The following GPHN variants were observed in gnomAD, a reference collection of about 807,000 sequenced individuals.
The protein encoded by GPHN is gephyrin.
In GPHN, 17 loss-of-function variants were observed where a neutral mutation model predicts 95.5. The observed-to-expected ratio is 0.18, with a 90% confidence interval of 0.12 to 0.27. The LOEUF (loss-of-function observed/expected upper bound fraction) is 0.27. Among genes scored for constraint, GPHN ranks in the 10% least tolerant of loss-of-function variants. GPHN has a pLI of 1.00. For synonymous variants in GPHN, 320 were observed against 322.5 expected (o/e 0.99, Z 0.08); for missense variants, 660 against 978.1 (o/e 0.67, Z 4.34).
chr14:67,161,105 C>T (rs1318901901), intron 19 of GPHN, among the ~76,000 whole-genome samples: 4 of 152,118 alleles, frequency 2.6e-5, no homozygotes, highest in African/African-American at 7.2e-5. Flanking sequence ...CTATCCTGAG[C>T]AACATCGAGA....
the GPHN span, chr14:67,727,130 T>C: frequency 6.2e-7 from 1 of 1,614,210 alleles, no homozygotes; most frequent in Non-Finnish European, 8.5e-7. Context: ...GGGTTTTGCC[T>C]ATTGCCACAG....
At chr14:67,101,191 G>GAA (rs113722780) in intron 13 of GPHN, among the ~76,000 whole-genome samples, 6 of 147,644 alleles carry the variant, frequency 4.1e-5, no homozygotes, top group African/African-American at 1.2e-4. Flanking sequence ...TTTTTTTCCT[G>GAA]AAAAAAAAAA....
At chr14:66,726,103 A>G (rs780041414) in intron 2 of GPHN, among the ~76,000 whole-genome samples, 14 of 152,224 alleles carry the variant, frequency 9.2e-5, no homozygotes, top group Non-Finnish European at 1.6e-4. Flanking sequence ...TTAAAATTAG[A>G]ATGCATAAAT....
the GPHN span, among the ~76,000 whole-genome samples, chr14:67,491,122 C>T: frequency 2.6e-5 from 4 of 152,146 alleles, no homozygotes; most frequent in Non-Finnish European, 4.4e-5. Flanking sequence ...TTCCCATGAC[C>T]GCCTCCTTGG....
intron 4 of GPHN, among the ~76,000 whole-genome samples, chr14:66,845,847 GTGTGTGTGTGTGTC>G (rs1365515156): frequency 5.3e-5 from 8 of 151,780 alleles, no homozygotes; most frequent in Non-Finnish European, 8.8e-5. Flanking sequence ...GTGTGTGTGT[GTGTGTGTGTGTGTC>G]TGTGTGCGTG....
intron 4 of GPHN, among the ~76,000 whole-genome samples, chr14:66,865,049 A>T (rs1166822519): frequency 6.6e-6 from 1 of 152,136 alleles, no homozygotes; most frequent in Non-Finnish European, 1.5e-5. Context: ...CATTTGTGTG[A>T]GCTAAAAATG....
chr14:66,649,715 G>A (rs1433586487), intron 1 of GPHN, among the ~76,000 whole-genome samples: 4 of 152,148 alleles, frequency 2.6e-5, no homozygotes, highest in African/African-American at 9.7e-5. Flanking sequence ...ACTGCACAGA[G>A]ACCATAGTAA....
chr14:67,506,253 T>G, the GPHN span, among the ~76,000 whole-genome samples: 1 of 152,200 alleles, frequency 6.6e-6, no homozygotes, highest in African/African-American at 2.4e-5. Context: ...TAGTTGAGAC[T>G]ATGCTTGTAA....
At chr14:67,648,674 A>C in the GPHN span, 5 of 152,534 alleles carry the variant, frequency 3.3e-5, no homozygotes, top group East Asian at 9.6e-4. Flanking sequence ...ATTTCTAATA[A>C]GGGGGATACA....
the GPHN span, among the ~76,000 whole-genome samples, chr14:67,406,595 G>A: frequency 0.024 from 3,655 of 152,262 alleles, 64 homozygotes; most frequent in African/African-American, 0.044. Flanking sequence ...GGAGTCCTTG[G>A]AGGATTTTAA....
At chr14:67,336,884 C>T in the GPHN span, 2 of 409,034 alleles carry the variant, frequency 4.9e-6, no homozygotes, top group South Asian at 1.8e-5. Context: ...ATATCAGCTT[C>T]TCCAGAACAG....
the GPHN span, among the ~76,000 whole-genome samples, chr14:67,629,179 GA>G: frequency 4.6e-5 from 7 of 152,064 alleles, no homozygotes; most frequent in South Asian, 8.3e-4. Context: ...ACAGTGGGGG[GA>G]AAAAAATTAG....
intron 5 of GPHN, among the ~76,000 whole-genome samples, chr14:66,889,362 A>G (rs1220721220): frequency 6.6e-6 from 1 of 152,182 alleles, no homozygotes; most frequent in Non-Finnish European, 1.5e-5. Context: ...AAGTTTCAAT[A>G]GGTTTTTTAA....
At chr14:67,279,390 G>A in the GPHN span, 49 of 1,613,212 alleles carry the variant, frequency 3.0e-5, no homozygotes, top group Middle Eastern at 1.7e-4. Context: ...AGAGGAAGAA[G>A]GGAAAAAGCA....
chr14:66,659,829 G>C (rs2065534296), intron 1 of GPHN, among the ~76,000 whole-genome samples: 1 of 152,044 alleles, frequency 6.6e-6, no homozygotes, highest in South Asian at 2.1e-4. Context: ...GTTTCAGATG[G>C]AGAGCATATT....
chr14:67,336,096 T>C, the GPHN span: 1 of 152,266 alleles, frequency 6.6e-6, no homozygotes, highest in Non-Finnish European at 1.5e-5. Flanking sequence ...GAAGGAGGTA[T>C]GTAATAATAC....
the GPHN span, among the ~76,000 whole-genome samples, chr14:67,283,695 G>GT: frequency 6.7e-6 from 1 of 148,484 alleles, no homozygotes; most frequent in Non-Finnish European, 1.5e-5. Flanking sequence ...CTGTGATTTA[G>GT]TCAGGTTGCT....
chr14:67,390,736 C>T, the GPHN span: 1 of 1,612,200 alleles, frequency 6.2e-7, no homozygotes, highest in South Asian at 1.1e-5. Flanking sequence ...CCAGTTTTTC[C>T]TCTTGTGTCC....
chr14:66,813,552 G>A (rs2060844065), intron 3 of GPHN, among the ~76,000 whole-genome samples: 2 of 152,218 alleles, frequency 1.3e-5, no homozygotes, highest in South Asian at 4.1e-4. Flanking sequence ...CCAGCAGGAG[G>A]GGACCCCTCA....
Sources: allele counts gnomAD v4.1 joint callset (sites outside exome capture counted in the v4.1 genomes callset), GRCh38; gene constraint gnomAD v4.1.1; transcripts MANE v1.5; gene names NCBI Gene and HGNC (gene_info 2026-07-23, HGNC 2026-07-21).